CADPS: variants seen among roughly 807,000 people sequenced by gnomAD.
CADPS encodes calcium-dependent secretion activator 1.
A neutral mutation model predicts 167.3 loss-of-function variants in CADPS; 57 were observed. The ratio of observed to expected loss-of-function variants is 0.34; its 90% CI spans 0.28 to 0.42. The LOEUF (loss-of-function observed/expected upper bound fraction) is 0.42. CADPS is among the 20% of genes least tolerant of loss of function. The pLI is 1.00. For synonymous variants in CADPS, 676 were observed against 635.3 expected, an observed-to-expected ratio of 1.06 and a Z score of -0.96; for missense variants, 1,414 against 1,738.1, an observed-to-expected ratio of 0.81 and a Z score of 3.32.
intron 1 of CADPS, among the ~76,000 whole-genome samples, chr3:62,840,132 T>C (rs1247272088): frequency 6.6e-6 from 1 of 152,354 alleles, no homozygotes; most frequent in East Asian, 1.9e-4. Context: ...ATCTTCATTA[T>C]TATTGCCATT....
Position 62,592,742 on chromosome 3 carries a change from G to A in CADPS, c.1332C>T (p.Gly444=). 6.2e-7 allele frequency: 1 copy of A among 1,612,904 alleles called. No individual in the cohort carries two copies. ...DQAEASKPTW[G]TQGDFSTTHA... is the part of the protein sequence containing the mutation. ...GGGTTGTGGAGAAGTCACCCTGGGT[G>A]CCCCAGCTGCAGACAGAATCAAAGA... The change falls in exon 7 of 30, where the codon GGC becomes GGT. Residue 444 remains glycine (G), a synonymous_variant. Coordinates refer to ENST00000383710, the MANE Select transcript of CADPS (RefSeq NM_003716.4).
chr3:62,574,416 G>A (rs182743651), intron 8 of CADPS, among the ~76,000 whole-genome samples: 332 of 152,222 alleles, frequency 2.2e-3, no homozygotes, highest in Non-Finnish European at 4.1e-3. Context: ...TGAAGAGCTG[G>A]TCACAGGGGC....
At chr3:62,419,573 A>G (rs1452735890) in intron 28 of CADPS, among the ~76,000 whole-genome samples, 2 of 152,196 alleles carry the variant, frequency 1.3e-5, no homozygotes, top group African/African-American at 4.8e-5. Context: ...CGAATAATTT[A>G]TCTGAAAACT....
Position 62,860,500 on chromosome 3 carries a change from C to G in CADPS, c.441+14089G>C, listed in dbSNP as rs374730939. Among the ~76,000 whole-genome samples, 6 of 152,282 alleles carry G rather than the reference C, an allele frequency of 3.9e-5. No homozygotes were observed. The East Asian group carries it at 1.2e-3, about 29-fold the overall frequency. On this transcript the variant is annotated intron_variant, in intron 1 of 29. Transcript: ENST00000383710. Reference sequence around the variant, plus strand: ...AGTCTCACCGTTGGCCCTGTGGAACCTGCATAGGAAGTCAGCCCTCCCTAT... The same window carrying G: ...AGTCTCACCGTTGGCCCTGTGGAACGTGCATAGGAAGTCAGCCCTCCCTAT...
rs990464327 is a variant in CADPS, at chr3:62,874,373, C to G, written c.441+216G>C. ...AAGCGGCGCTGCGCTCCGCGGCCCT[C>G]GCCGGTCCCAGTCAGCTCCAGGAGC... On this transcript the variant is annotated intron_variant, in intron 1 of 29. Coordinates refer to ENST00000383710, the MANE Select transcript of CADPS (RefSeq NM_003716.4). The surrounding 1 kb of genome is among the most constrained non-coding windows in gnomAD (Gnocchi z 7.1). 2.6e-5 allele frequency among the ~76,000 whole-genome samples: 4 copies of G among 152,156 alleles called. No homozygotes were observed. Among genetic ancestry groups the G allele is most frequent in the African/African-American group, 9.6e-5 (4 of 41,464 alleles).
At chr3:62,557,111 G>A (rs1285459016) in intron 10 of CADPS, among the ~76,000 whole-genome samples, 1 of 151,434 alleles carries the variant, frequency 6.6e-6, no homozygotes, top group Admixed American at 6.6e-5. Flanking sequence ...ATTGTATGGT[G>A]GAGTCCATAT....
intron 6 of CADPS, among the ~76,000 whole-genome samples, chr3:62,612,310 T>C (rs2061611115): frequency 6.6e-6 from 1 of 152,198 alleles, no homozygotes; most frequent in Non-Finnish European, 1.5e-5. Context: ...ATAAAACACA[T>C]AAAGCATTGG....
At chr3:62,574,565 G>T (rs2081926828) in intron 8 of CADPS, among the ~76,000 whole-genome samples, 1 of 152,114 alleles carries the variant, frequency 6.6e-6, no homozygotes, top group Non-Finnish European at 1.5e-5. Context: ...TAGCTGTCCT[G>T]GTCAGTGCTT....
intron 11 of CADPS, among the ~76,000 whole-genome samples, chr3:62,542,854 C>T (rs1255103995): frequency 6.6e-6 from 1 of 152,106 alleles, no homozygotes; most frequent in Non-Finnish European, 1.5e-5. Flanking sequence ...TGTCAAAGAT[C>T]TCAAGCAAAA....
At chr3:62,582,298 T>C (rs960208693) in intron 8 of CADPS, among the ~76,000 whole-genome samples, 1 of 152,030 alleles carries the variant, frequency 6.6e-6, no homozygotes, top group African/African-American at 2.4e-5. Flanking sequence ...GCACAAAAAT[T>C]AGCTGGGTGT....
intron 6 of CADPS, among the ~76,000 whole-genome samples, chr3:62,594,526 AT>A (rs1243518833): frequency 6.6e-6 from 1 of 152,124 alleles, no homozygotes; most frequent in African/African-American, 2.4e-5. Flanking sequence ...TTATTTAGCC[AT>A]TGTTCTATTA....
intron 1 of CADPS, among the ~76,000 whole-genome samples, chr3:62,771,777 T>G (rs2088840934): frequency 6.6e-6 from 1 of 152,244 alleles, no homozygotes; most frequent in South Asian, 2.1e-4. Context: ...CAAGCATTCT[T>G]GGTTCCGTCT....
At chr3:62,592,981 G>A (rs546011177) in intron 6 of CADPS, among the ~76,000 whole-genome samples, 1 of 152,322 alleles carries the variant, frequency 6.6e-6, no homozygotes, top group East Asian at 1.9e-4. Flanking sequence ...AGCACTATAA[G>A]GAATGACTTG....
intron 13 of CADPS, among the ~76,000 whole-genome samples, chr3:62,530,125 T>C (rs1037319177): frequency 1.3e-5 from 2 of 152,144 alleles, no homozygotes; most frequent in Non-Finnish European, 2.9e-5. Context: ...AAGCATTAAT[T>C]TGGTAATAGA....
intron 8 of CADPS, among the ~76,000 whole-genome samples, chr3:62,579,784 A>T (rs1282316957): frequency 3.3e-5 from 5 of 150,920 alleles, no homozygotes; most frequent in Admixed American, 1.3e-4. Context: ...GTTTTCCTGC[A>T]TTCGAGTGGC....
chr3:62,696,586 T>G (rs2080321421), intron 3 of CADPS, among the ~76,000 whole-genome samples: 1 of 152,110 alleles, frequency 6.6e-6, no homozygotes, highest in Non-Finnish European at 1.5e-5. Flanking sequence ...CTATTCCCTT[T>G]GTTTCCTCAA....
intron 29 of CADPS, 50 bp downstream of exon 29, chr3:62,403,031 T>C: frequency 8.4e-7 from 1 of 1,193,724 alleles, no homozygotes; most frequent in South Asian, 1.3e-5. Flanking sequence ...GCCAGTGAAA[T>C]ATATTTCAGT....
chr3:62,852,822 A>G (rs1164437220), intron 1 of CADPS, among the ~76,000 whole-genome samples: 1 of 152,190 alleles, frequency 6.6e-6, no homozygotes, highest in East Asian at 1.9e-4. Flanking sequence ...TTTTCCCTCA[A>G]CACTTCATAT....
At chr3:62,800,889 C>A (rs959006738) in intron 1 of CADPS, among the ~76,000 whole-genome samples, 1 of 152,072 alleles carries the variant, frequency 6.6e-6, no homozygotes, top group Non-Finnish European at 1.5e-5. Context: ...ACCTAGAGCC[C>A]CCAGTTTAAT....
Sources: allele counts gnomAD v4.1 joint callset (sites outside exome capture counted in the v4.1 genomes callset), GRCh38; gene constraint gnomAD v4.1.1; non-coding constraint Gnocchi (gnomAD v3.1); transcripts MANE v1.5; gene names NCBI Gene and HGNC (gene_info 2026-07-23, HGNC 2026-07-21).